The following ZNF184 variants were observed in gnomAD, a reference collection of about 807,000 sequenced individuals.
ZNF184 encodes the protein zinc finger protein 184 (Kruppel-like).
In ZNF184, 16 loss-of-function variants were observed where a neutral mutation model predicts 54.4. The observed-to-expected ratio is 0.29, with a 90% confidence interval of 0.20 to 0.45. ZNF184 has a LOEUF of 0.45. Among genes scored for constraint, ZNF184 ranks in the 20% least tolerant of loss-of-function variants. The pLI is 1.00. For synonymous variants in ZNF184, 254 were observed against 295.3 expected, an observed-to-expected ratio of 0.86 and a Z score of 1.43; for missense variants, 681 against 888.2, an observed-to-expected ratio of 0.77 and a Z score of 2.97.
In ZNF184 at chr6:27,452,054, A is replaced by G; in HGVS notation, c.1505T>C (p.Phe502Ser). ...HRRIHTREKP[F>S]ECSECGKAFS... ...AGCCTTTCCACATTCACTGCATTCA[A>G]AGGGCTTTTCTCTCGTGTGAATTCT... is the stretch of plus-strand genomic sequence containing the variant. Residue 502 changes from phenylalanine to serine, a missense_variant, in exon 6 of 6, where the codon TTT becomes TCT. Coordinates refer to ENST00000683788, the MANE Select transcript of ZNF184 (RefSeq NM_001318891.2). This position sits in a 1 kb window ranked among gnomAD's most constrained non-coding sequence, Gnocchi z 5.5. 1 of 1,613,770 alleles carries G rather than the reference A, an allele frequency of 6.2e-7. No homozygotes were observed. Among genetic ancestry groups the G allele is most frequent in the Non-Finnish European group, 8.5e-7 (1 of 1,179,950 alleles).
the ZNF184 span, among the ~76,000 whole-genome samples, chr6:27,435,332 G>A: frequency 2.0e-5 from 3 of 152,038 alleles, no homozygotes; most frequent in East Asian, 3.9e-4. Context: ...GTAGTGTTTT[G>A]TAGTTTTTAG....
chr6:27,420,560 G>A, the ZNF184 span, among the ~76,000 whole-genome samples: 1 of 152,128 alleles, frequency 6.6e-6, no homozygotes, highest in African/African-American at 2.4e-5. Context: ...CACACCATAT[G>A]TCCTCAGGGG....
the ZNF184 span, among the ~76,000 whole-genome samples, chr6:27,430,121 C>T: frequency 2.0e-5 from 3 of 152,166 alleles, no homozygotes; most frequent in Non-Finnish European, 2.9e-5. Context: ...TTCTTGATGA[C>T]AAGAATTAAA....
the ZNF184 span, among the ~76,000 whole-genome samples, chr6:27,422,904 C>T: frequency 2.4e-4 from 36 of 152,206 alleles, no homozygotes; most frequent in African/African-American, 8.4e-4. Flanking sequence ...CCGCCGGATT[C>T]AGTGTCTGTC....
the ZNF184 span, among the ~76,000 whole-genome samples, chr6:27,415,429 A>G: frequency 6.6e-6 from 1 of 152,174 alleles, no homozygotes; most frequent in Non-Finnish European, 1.5e-5. Context: ...TGGAACTTTC[A>G]AGAAAAAAAT....
the ZNF184 span, among the ~76,000 whole-genome samples, chr6:27,439,225 T>A: frequency 1.3e-5 from 2 of 152,232 alleles, no homozygotes; most frequent in South Asian, 4.1e-4. Context: ...CTACCAGATT[T>A]GTACAGTAGC....
At position 27,452,256 on chromosome 6, in the gene ZNF184, G is replaced by A; in HGVS notation, c.1303C>T (p.Gln435Ter). 1 of 1,614,042 alleles carries A rather than the reference G, an allele frequency of 6.2e-7. No homozygotes were observed. Among genetic ancestry groups the A allele is most frequent in the Non-Finnish European group, 8.5e-7 (1 of 1,180,000 alleles). Residue 435 changes from glutamine (Q) to a stop codon, truncating the protein, a stop_gained, in exon 6 of 6, where the codon CAG (glutamine) becomes TAG (stop). Coordinates refer to ENST00000683788, the MANE Select transcript of ZNF184 (RefSeq NM_001318891.2). LOFTEE classifies it high-confidence loss of function. This position sits in a 1 kb window ranked among gnomAD's most constrained non-coding sequence, Gnocchi z 5.5. ...KAFSQHSNLT[Q>*]HQKTHTGEKP... ...TCCCCAGTATGAGTTTTTTGATGCT[G>A]AGTGAGGTTTGAGTGCTGGCTGAAG...
intron 3 of ZNF184, among the ~76,000 whole-genome samples, chr6:27,467,168 C>T (rs532912761): frequency 6.6e-6 from 1 of 152,294 alleles, no homozygotes; most frequent in Admixed American, 6.5e-5. Context: ...CCCAAGTCCC[C>T]CATCCTCCAT....
At chr6:27,425,150 C>T in the ZNF184 span, among the ~76,000 whole-genome samples, 3 of 152,220 alleles carry the variant, frequency 2.0e-5, no homozygotes, top group Non-Finnish European at 4.4e-5. Flanking sequence ...CACGCCCTCC[C>T]GGAACTCCAG....
intron 2 of ZNF184, among the ~76,000 whole-genome samples, chr6:27,471,731 C>T (rs561722885): frequency 6.6e-6 from 1 of 152,290 alleles, no homozygotes; most frequent in South Asian, 2.1e-4. Context: ...TTAAGGGCAG[C>T]AGTGTGAAAG....
Position 27,462,068 on chromosome 6 carries a change from G to A in ZNF184, c.76-4659C>T, listed in dbSNP as rs934474503. On this transcript the variant is annotated intron_variant, in intron 3 of 5. Transcript: ENST00000683788. ...TGAGGCATTGGGTAGAATACTCAAT[G>A]GTCCTGCCTCTATGGTCAGGAATAA... is the stretch of plus-strand genomic sequence containing the variant. 2.6e-5 allele frequency among the ~76,000 whole-genome samples: 4 copies of A among 152,184 alleles called. No homozygotes were observed. The South Asian group carries it at 8.3e-4, about 32-fold the overall frequency.
At position 27,452,080 on chromosome 6, in the gene ZNF184, C is replaced by T. The variant is rs762857600; in HGVS notation, c.1479G>A (p.Arg493=). The change falls in exon 6 of 6, where the codon CGG becomes CGA. Residue 493 remains arginine, a synonymous_variant. Transcript: ENST00000683788. The surrounding 1 kb of genome is among the most constrained non-coding windows in gnomAD (Gnocchi z 5.5). ...AGGGCTTTTCTCTCGTGTGAATTCT[C>T]CGATGTTGAGTAAGGGATGAGCAGT... is the stretch of plus-strand genomic sequence containing the variant. The part of the protein sequence containing the change: ...FSYCSSLTQH[R]RIHTREKPFE... 12 of 1,613,810 alleles carry T rather than the reference C, an allele frequency of 7.4e-6. No individual in the cohort carries two copies. The Admixed American group carries it at 1.3e-4, about 18-fold the overall frequency.
rs141754425 is a variant in ZNF184 at position 27,472,365 on chromosome 6, A to G, written c.-71T>C. Reference sequence around the variant, plus strand: ...GCCAGGCAGCGTTCCTTCAGCTGGTATCTCGGTCTAGGACTCAGATGTCTA... The same window carrying G: ...GCCAGGCAGCGTTCCTTCAGCTGGTGTCTCGGTCTAGGACTCAGATGTCTA... On this transcript the variant is annotated 5_prime_UTR_variant, in exon 2 of 6. Transcript: ENST00000683788. This position sits in a 1 kb window ranked among gnomAD's most constrained non-coding sequence, Gnocchi z 4.8. 5.4e-4 allele frequency: 875 copies of G among 1,607,882 alleles called. 4 individuals carry two copies. The African/African-American group carries it at 0.01, about 18-fold the overall frequency.
chr6:27,454,305 G>A (rs999523590), intron 5 of ZNF184, among the ~76,000 whole-genome samples: 2 of 152,196 alleles, frequency 1.3e-5, no homozygotes, highest in Middle Eastern at 3.4e-3. Context: ...TGAGCAGTGC[G>A]GCAGACCTCA....
intron 3 of ZNF184, among the ~76,000 whole-genome samples, chr6:27,458,880 G>T (rs7743443): frequency 0.6 from 91,810 of 152,078 alleles, 27,803 homozygotes; most frequent in Middle Eastern, 0.75. Context: ...ATATACACAA[G>T]GGAATACCAT....
At position 27,451,617 on chromosome 6, in the gene ZNF184, C is replaced by T. The variant is rs754804710; in HGVS notation, c.1942G>A (p.Glu648Lys). 6.2e-7 allele frequency: 1 copy of T among 1,614,118 alleles called. No homozygotes were observed. The change falls in exon 6 of 6, where the codon GAA (glutamate) becomes AAA (lysine). Residue 648 changes from glutamate (E) to lysine (K), a missense_variant. By Grantham distance (56) the Glu-to-Lys change is moderately conservative. Coordinates refer to ENST00000683788, the MANE Select transcript of ZNF184 (RefSeq NM_001318891.2). ...TGGGAGCTCTGGCTAAAGGTCTTTTCACATTTATTACACTGGTAGGGTTTT... is the reference window on the plus strand; with the variant it reads ...TGGGAGCTCTGGCTAAAGGTCTTTTTACATTTATTACACTGGTAGGGTTTT... Reference protein sequence around the residue: ...EEKPYQCNKCEKTFSQSSHLT... With the variant: ...EEKPYQCNKCKKTFSQSSHLT...
chr6:27,423,607 A>C, the ZNF184 span, among the ~76,000 whole-genome samples: 1 of 149,652 alleles, frequency 6.7e-6, no homozygotes, highest in Non-Finnish European at 1.5e-5. Context: ...ACAAATACAC[A>C]CCCTGAAAAG....
chr6:27,447,479 G>A (rs531899042), downstream of ZNF184, among the ~76,000 whole-genome samples: 25 of 152,142 alleles, frequency 1.6e-4, 1 homozygote, highest in Non-Finnish European at 2.2e-4. Flanking sequence ...TTGGGAGGCC[G>A]AGGCAGGCAG....
intron 3 of ZNF184, among the ~76,000 whole-genome samples, chr6:27,458,982 A>C (rs1033543431): frequency 5.9e-5 from 9 of 152,242 alleles, no homozygotes; most frequent in African/African-American, 2.2e-4. Context: ...TGCCAGGCAC[A>C]GAAAGATAAA....
Sources: gnomAD v4.1 joint callset for allele counts (sites outside exome capture counted in the v4.1 genomes callset) on GRCh38, gnomAD v4.1.1 for gene constraint, Gnocchi (gnomAD v3.1) non-coding constraint, MANE v1.5 for transcripts, NCBI Gene and HGNC (gene_info 2026-07-23, HGNC 2026-07-21) for gene names.